PCDHA12: variants seen among roughly 807,000 people sequenced by gnomAD.
PCDHA12 encodes protocadherin alpha 12.
A neutral mutation model predicts 60.0 loss-of-function variants in PCDHA12; 44 were observed. That is an observed-to-expected ratio of 0.73 (90% CI 0.58 to 0.94). The LOEUF (loss-of-function observed/expected upper bound fraction) is 0.94. PCDHA12 is among the 40% of genes least tolerant of loss of function. PCDHA12 has a pLI of 0.00. For missense variants in PCDHA12, 1,276 were observed against 1,239.7 expected (o/e 1.03, Z -0.44); for synonymous variants, 569 against 553.0 (o/e 1.03, Z -0.40).
Position 140,911,260 on chromosome 5 carries a change from A to G in PCDHA12, c.2367+33421A>G, listed in dbSNP as rs1178961396. On this transcript the variant is annotated intron_variant, in intron 1 of 3. Transcript: ENST00000398631. ...AAAAAAAGTTTCATCAGAATTTATA[A>G]TCTCAGTGTCCCCAGCTTCATCAGG... is the stretch of plus-strand genomic sequence containing the variant. Among the ~76,000 whole-genome samples, 8 of 152,222 alleles carry G rather than the reference A, an allele frequency of 5.3e-5. 1 individual carries two copies. The highest frequency in any genetic ancestry group is 1.9e-4 in the African/African-American group (8 of 41,520).
chr5:140,942,115 A>T (rs1440934670), intron 1 of PCDHA12, among the ~76,000 whole-genome samples: 2 of 152,232 alleles, frequency 1.3e-5, no homozygotes, highest in Non-Finnish European at 2.9e-5. Flanking sequence ...ATCAAACTTT[A>T]TTAAAGGTGA....
intron 1 of PCDHA12, among the ~76,000 whole-genome samples, chr5:140,957,549 C>T (rs563057107): frequency 6.6e-6 from 1 of 152,038 alleles, no homozygotes; most frequent in South Asian, 2.1e-4. Flanking sequence ...AAAGTATTCT[C>T]TGTGGAAAAG....
At chr5:140,995,698 G>A (rs963042409) in intron 3 of PCDHA12, among the ~76,000 whole-genome samples, 2 of 152,104 alleles carry the variant, frequency 1.3e-5, no homozygotes, top group African/African-American at 2.4e-5. Flanking sequence ...TTAAATAAAG[G>A]GCTGGGCTTG....
chr5:140,967,415 C>T, intron 1 of PCDHA12: 1 of 1,613,142 alleles, frequency 6.2e-7, no homozygotes, highest in African/African-American at 1.3e-5. Flanking sequence ...GGGCCTAGAC[C>T]GGGAGCAGGC....
chr5:140,992,017 C>CTGTGTGTG (rs10602499), intron 3 of PCDHA12, among the ~76,000 whole-genome samples: 149 of 145,626 alleles, frequency 1.0e-3, no homozygotes, highest in African/African-American at 2.4e-3. Flanking sequence ...AGAGGTGGCT[C>CTGTGTGTG]TGTGTGTGTG....
At chr5:140,951,448 G>A (rs892144078) in intron 1 of PCDHA12, among the ~76,000 whole-genome samples, 74 of 152,022 alleles carry the variant, frequency 4.9e-4, no homozygotes, top group African/African-American at 1.7e-3. Context: ...GCATGATGCC[G>A]GCCATCTGCT....
At chr5:140,877,946 C>G in intron 1 of PCDHA12, 107 bp downstream of exon 1, 1 of 1,349,558 alleles carries the variant, frequency 7.4e-7, no homozygotes, top group South Asian at 1.7e-5. Context: ...TTTAAACTAT[C>G]GAATGTCTCA....
chr5:140,875,465 T>G lies in PCDHA12; in HGVS notation c.-8T>G. 1 of 1,599,690 alleles carries G rather than the reference T, an allele frequency of 6.3e-7. No individual in the cohort carries two copies. Among genetic ancestry groups the G allele is most frequent in the Non-Finnish European group, 8.5e-7 (1 of 1,172,708 alleles). On this transcript the variant is annotated 5_prime_UTR_variant, in exon 1 of 4. In the 5' UTR this introduces an upstream ATG that the reference lacks. Coordinates refer to ENST00000398631, the MANE Select transcript of PCDHA12 (RefSeq NM_018903.4). ...ATTGTCCCAACTCAGAGGCCCTCAT[T>G]TTCTGCAATGGTGATTATCGGACCA...
At position 140,875,988 on chromosome 5, in the gene PCDHA12, A is replaced by G. The variant is rs144050089; in HGVS notation, c.516A>G (p.Leu172=). The change falls in exon 1 of 4, where the codon TTA becomes TTG. Residue 172 remains leucine, a synonymous_variant. Transcript: ENST00000398631. ...IGVNSLLTYA[L]SLNENFELKI... is the part of the protein sequence containing the mutation. ...TAAACTCTCTTTTGACCTATGCGTT[A>G]AGTCTAAATGAGAATTTTGAGCTTA... 4,280 of 1,614,014 alleles carry G rather than the reference A, an allele frequency of 2.7e-3. 13 individuals are homozygous for G. The highest frequency in any genetic ancestry group is 3.4e-3 in the Non-Finnish European group (4,021 of 1,179,898).
rs142842369 is a variant in PCDHA12, at chr5:140,884,425, T to G, written c.2367+6586T>G. ...TGGTGCTCACGTTGCTGCTGTATAC[T>G]GCGCTGCGGTGCTCGGCACCGCCCA... On this transcript the variant is annotated intron_variant, in intron 1 of 3. Coordinates refer to ENST00000398631, the MANE Select transcript of PCDHA12 (RefSeq NM_018903.4). 1.3e-3 allele frequency: 2,026 copies of G among 1,613,950 alleles called. 4 individuals carry two copies. Among genetic ancestry groups the G allele is most frequent in the Admixed American group, 3.6e-3 (219 of 60,032 alleles).
intron 1 of PCDHA12, among the ~76,000 whole-genome samples, chr5:140,904,904 C>G (rs1463349424): frequency 6.6e-6 from 1 of 151,948 alleles, no homozygotes; most frequent in Non-Finnish European, 1.5e-5. Context: ...GTTTTTCTTA[C>G]TGATTTGTTT....
chr5:140,884,138 G>A (rs782798249), intron 1 of PCDHA12: 3 of 1,613,410 alleles, frequency 1.9e-6, no homozygotes, highest in South Asian at 1.1e-5. Context: ...CCCGTTCCGC[G>A]TGGGGCTGTA....
intron 1 of PCDHA12, among the ~76,000 whole-genome samples, chr5:140,896,652 C>T (rs1393897195): frequency 2.6e-5 from 4 of 152,018 alleles, no homozygotes; most frequent in African/African-American, 9.7e-5. Flanking sequence ...GCTAGTATTA[C>T]AGGCATGAGT....
Position 140,974,282 on chromosome 5 carries a change from T to C in PCDHA12, c.2368-4667T>C, listed in dbSNP as rs115449410. Among the ~76,000 whole-genome samples, 1,252 of 152,332 alleles carry C rather than the reference T, an allele frequency of 8.2e-3. 23 individuals carry two copies. The highest frequency in any genetic ancestry group is 0.028 in the African/African-American group (1,180 of 41,572). ...TTCTGGCCTTCCAGGGTCAGAACTC[T>C]GGGCTCCAAGGAGGTACAACTGTGA... On this transcript the variant is annotated intron_variant, in intron 1 of 3. Coordinates refer to ENST00000398631, the MANE Select transcript of PCDHA12 (RefSeq NM_018903.4).
At chr5:140,967,099 T>G in intron 1 of PCDHA12, 1 of 1,613,074 alleles carries the variant, frequency 6.2e-7, no homozygotes, top group Non-Finnish European at 8.5e-7. Context: ...AGGCGCTGTG[T>G]GAGCAGCGGC....
At chr5:140,905,343 G>C (rs2071757275) in intron 1 of PCDHA12, among the ~76,000 whole-genome samples, 1 of 152,148 alleles carries the variant, frequency 6.6e-6, no homozygotes, top group Non-Finnish European at 1.5e-5. Context: ...TCAGTTGGCT[G>C]TAAGTATTTG....
chr5:140,917,338 G>GGGGGGGT (rs2078134893), intron 1 of PCDHA12, among the ~76,000 whole-genome samples: 1 of 137,894 alleles, frequency 7.3e-6, no homozygotes, highest in Non-Finnish European at 1.6e-5. Context: ...GGAGGGGGGG[G>GGGGGGGT]ATGGTGTAGG....
At chr5:140,885,424 A>G (rs1311599501) in intron 1 of PCDHA12, among the ~76,000 whole-genome samples, 4 of 152,148 alleles carry the variant, frequency 2.6e-5, no homozygotes, top group African/African-American at 7.2e-5. Context: ...AGTATTCCAC[A>G]GTGTAAGTGT....
At chr5:140,967,291 C>T (rs782682819) in intron 1 of PCDHA12, 11 of 1,612,754 alleles carry the variant, frequency 6.8e-6, no homozygotes, top group South Asian at 1.1e-5. Context: ...CGCAGGACCC[C>T]GACGTGGGCG....
Sources: gnomAD v4.1 joint callset for allele counts (sites outside exome capture counted in the v4.1 genomes callset) on GRCh38, gnomAD v4.1.1 for gene constraint, MANE v1.5 for transcripts, NCBI Gene and HGNC (gene_info 2026-07-23, HGNC 2026-07-21) for gene names.